The following NSD1 variants were observed in gnomAD, a reference collection of about 807,000 sequenced individuals.
NSD1 encodes the protein nuclear receptor binding SET domain protein 1, also known as histone-lysine N-methyltransferase, H3 lysine-36 specific.
Under a neutral mutation model 242.7 loss-of-function variants are expected in NSD1, and 26 were observed. The observed-to-expected ratio is 0.11, with a 90% confidence interval of 0.08 to 0.15. The LOEUF (loss-of-function observed/expected upper bound fraction) is 0.15. NSD1 is among the 10% of genes least tolerant of loss of function. The pLI, the probability that NSD1 is intolerant of heterozygous loss-of-function variation, is 1.00. For missense variants in NSD1, 2,495 were observed against 3,272.8 expected, an observed-to-expected ratio of 0.76 and a Z score of 5.80; for synonymous variants, 1,106 against 1,178.1, an observed-to-expected ratio of 0.94 and a Z score of 1.25.
chr5:177,169,940 CAT>C (rs4044687), intron 2 of NSD1, among the ~76,000 whole-genome samples: 20,197 of 152,058 alleles, frequency 0.13, 1,889 homozygotes, highest in East Asian at 0.51. Context: ...TTGAGGTTAT[CAT>C]GTGTTATTTT....
In NSD1 at chr5:177,295,220, G is replaced by A. The variant is rs373787813; in HGVS notation, c.7852G>A (p.Val2618Ile). 8.1e-5 allele frequency: 131 copies of A among 1,614,234 alleles called. No individual in the cohort carries two copies. The East Asian group carries it at 2.6e-3, about 32-fold the overall frequency. ...ASLPTEEKKL[V>I]TTEQSPWALG... ...CCTCCCCACTGAAGAAAAGAAGTTG[G>A]TAACCACAGAGCAAAGTCCCTGGGC... The change falls in exon 23 of 23, where the codon GTA becomes ATA. Residue 2618 changes from valine (V) to isoleucine (I), a missense_variant. This residue lies in a region of NSD1 where 475 missense variants were observed against 563.7 expected (regional missense o/e 0.84). Transcript: ENST00000439151. This position sits in a 1 kb window ranked among gnomAD's most constrained non-coding sequence, Gnocchi z 4.3.
At chr5:177,245,086 T>C (rs1254333305) in intron 9 of NSD1, among the ~76,000 whole-genome samples, 12 of 152,110 alleles carry the variant, frequency 7.9e-5, no homozygotes, top group Admixed American at 7.9e-4. Flanking sequence ...CATGGTGGTG[T>C]ATTTCTGTAG....
chr5:177,238,265 T>G lies in NSD1; in HGVS notation c.3950T>G (p.Leu1317Arg), dbSNP rs202041399. Residue 1317 changes from leucine to arginine, a missense_variant, in exon 7 of 23, where the codon CTT becomes CGT. Leu to Arg is a moderately radical substitution (Grantham distance 102). This residue lies in a region of NSD1 where 100 missense variants were observed against 190.7 expected (regional missense o/e 0.52). Transcript: ENST00000439151. The surrounding 1 kb of genome is among the most constrained non-coding windows in gnomAD (Gnocchi z 4.6). Reference sequence around the variant, plus strand: ...AGTTCCCGCTGTGAAGAGGAAAGCCTTCTAGCCCGAGGTCGATCTAGTGCT... The same window carrying G: ...AGTTCCCGCTGTGAAGAGGAAAGCCGTCTAGCCCGAGGTCGATCTAGTGCT... Reference protein sequence around the residue: ...KVSSRCEEESLLARGRSSAQN... With the variant: ...KVSSRCEEESRLARGRSSAQN... The G allele has an allele frequency of 8.1e-6, 13 of 1,614,044 alleles. No individual in the cohort carries two copies. Among genetic ancestry groups the G allele is most frequent in the Non-Finnish European group, 1.0e-5 (12 of 1,180,048 alleles).
chr5:177,201,290 A>C (rs1341558972), intron 3 of NSD1, among the ~76,000 whole-genome samples: 3 of 152,004 alleles, frequency 2.0e-5, no homozygotes, highest in South Asian at 2.1e-4. Context: ...GCTCACTGCA[A>C]CCTCTGCCTC....
In NSD1 at chr5:177,184,809, G is replaced by T. The variant is rs202147281; in HGVS notation, c.928-7075G>T. Among the ~76,000 whole-genome samples, 12 of 152,194 alleles carry T rather than the reference G, an allele frequency of 7.9e-5. No individual in the cohort carries two copies. The East Asian group carries it at 2.3e-3, about 29-fold the overall frequency. On this transcript the variant is annotated intron_variant, in intron 2 of 22. Transcript: ENST00000439151. ...CTTGGCCTCCCAAAGTGCTAGGATT[G>T]TGCAGGCCTGAGCCACCACGCCTGG...
At chr5:177,195,268 A>G (rs1234916863) in intron 3 of NSD1, among the ~76,000 whole-genome samples, 1 of 152,120 alleles carries the variant, frequency 6.6e-6, no homozygotes, top group Admixed American at 6.6e-5. Flanking sequence ...GGATCACTTG[A>G]GCCTAGGAGT....
intron 2 of NSD1, among the ~76,000 whole-genome samples, chr5:177,172,585 T>C (rs998452893): frequency 2.6e-5 from 4 of 152,210 alleles, no homozygotes; most frequent in Non-Finnish European, 4.4e-5. Flanking sequence ...AGTCCAAATA[T>C]GGCTAAAAGC....
At chr5:177,146,002 T>C (rs1757210036) in intron 2 of NSD1, among the ~76,000 whole-genome samples, 1 of 151,572 alleles carries the variant, frequency 6.6e-6, no homozygotes, top group African/African-American at 2.4e-5. Flanking sequence ...GGTTGGAGGA[T>C]TGCTTGAGCC....
chr5:177,214,006 T>C (rs1288551271), intron 5 of NSD1, among the ~76,000 whole-genome samples: 1 of 152,090 alleles, frequency 6.6e-6, no homozygotes, highest in Non-Finnish European at 1.5e-5. Context: ...GGTCTGGCTC[T>C]GTTGCCCAGG....
At chr5:177,266,308 C>G in intron 14 of NSD1, 1 of 729,014 alleles carries the variant, frequency 1.4e-6, no homozygotes, top group Non-Finnish European at 2.6e-6. Context: ...CTTTGACAAT[C>G]TTCACCGCAT....
chr5:177,224,560 C>T (rs912949894), intron 5 of NSD1, among the ~76,000 whole-genome samples: 11 of 151,590 alleles, frequency 7.3e-5, no homozygotes, highest in Admixed American at 2.6e-4. Context: ...GAACTCATCT[C>T]TGTTAATTAA....
At chr5:177,165,538 G>T (rs1035457638) in intron 2 of NSD1, among the ~76,000 whole-genome samples, 1 of 151,972 alleles carries the variant, frequency 6.6e-6, no homozygotes, top group Non-Finnish European at 1.5e-5. Context: ...CTTAACTAGG[G>T]ATATGATTCG....
Position 177,146,346 on chromosome 5 carries a change from C to T in NSD1, c.927+10316C>T, listed in dbSNP as rs1757244140. Among the ~76,000 whole-genome samples, 3 of 151,468 alleles carry T rather than the reference C, an allele frequency of 2.0e-5. No individual in the cohort carries two copies. The South Asian group carries it at 6.3e-4, about 32-fold the overall frequency. ...TCAGCCTCCTGAGTAGCTGGGACTA[C>T]AGGCGTGTGCTATGACGCCCAGCTA... On this transcript the variant is annotated intron_variant, in intron 2 of 22. Transcript: ENST00000439151.
chr5:177,279,961 A>G (rs977137046), intron 17 of NSD1, among the ~76,000 whole-genome samples: 1 of 140,070 alleles, frequency 7.1e-6, no homozygotes, highest in African/African-American at 2.8e-5. Flanking sequence ...TTTAAAGTTC[A>G]TATTTTATTT....
chr5:177,204,321 G>A lies in NSD1; in HGVS notation c.1236+29G>A, dbSNP rs1762719334. 2.5e-6 allele frequency: 4 copies of A among 1,597,446 alleles called. 1 individual carries two copies. ...GGAAACGAAAAAGGCTTTTTATTGAGTGACAGAAGCAAGTAAGAAAAAGAA... is the reference window on the plus strand; with the variant it reads ...GGAAACGAAAAAGGCTTTTTATTGAATGACAGAAGCAAGTAAGAAAAAGAA... On this transcript the variant is annotated intron_variant, in intron 4 of 22. Coordinates refer to ENST00000439151, the MANE Select transcript of NSD1 (RefSeq NM_022455.5).
At chr5:177,282,260 C>G (rs1469179940) in intron 18 of NSD1, among the ~76,000 whole-genome samples, 3 of 152,160 alleles carry the variant, frequency 2.0e-5, no homozygotes, top group Non-Finnish European at 4.4e-5. Flanking sequence ...CCTAATCTTT[C>G]TGCTGCTGAC....
chr5:177,248,381 C>A (rs1766465709), intron 11 of NSD1, 57 bp downstream of exon 11: 1 of 1,559,090 alleles, frequency 6.4e-7, no homozygotes, highest in Non-Finnish European at 8.8e-7. Context: ...TAAAGGGAAA[C>A]CCACTCCATC....
intron 3 of NSD1, among the ~76,000 whole-genome samples, chr5:177,194,460 G>A (rs1247940207): frequency 6.8e-6 from 1 of 146,670 alleles, no homozygotes; most frequent in Non-Finnish European, 1.5e-5. Flanking sequence ...TTTTTTTTTG[G>A]GTGGAGATAG....
intron 5 of NSD1, among the ~76,000 whole-genome samples, chr5:177,218,985 G>A (rs895465259): frequency 6.6e-6 from 1 of 151,866 alleles, no homozygotes; most frequent in Non-Finnish European, 1.5e-5. Context: ...ATTTATAAAA[G>A]ATGTTGCTCT....
Sources: allele counts gnomAD v4.1 joint callset (sites outside exome capture counted in the v4.1 genomes callset), GRCh38; gene constraint gnomAD v4.1.1; regional missense constraint gnomAD v4.1.1; non-coding constraint Gnocchi (gnomAD v3.1); transcripts MANE v1.5; gene names NCBI Gene and HGNC (gene_info 2026-07-23, HGNC 2026-07-21).